Variants in KIRREL3 observed in about 807,000 individuals in gnomAD.
KIRREL3 encodes kirre like nephrin family adhesion molecule 3, also known as kin of IRRE-like protein 3.
A neutral mutation model predicts 89.7 loss-of-function variants in KIRREL3; 36 were observed. The observed-to-expected ratio is 0.40, with a 90% CI of 0.31 to 0.53. The LOEUF is 0.53. Among genes scored for constraint, KIRREL3 ranks in the 20% least tolerant of loss-of-function variants. KIRREL3 has a pLI of 0.49. For synonymous variants in KIRREL3, 445 were observed against 441.4 expected, an observed-to-expected ratio of 1.01 and a Z score of -0.10; for missense variants, 864 against 1,056.6, an observed-to-expected ratio of 0.82 and a Z score of 2.53.
At position 126,677,999 on chromosome 11, in the gene KIRREL3, A is replaced by G. The variant is rs1222075309; in HGVS notation, c.56-115087T>C. 1.3e-5 allele frequency among the ~76,000 whole-genome samples: 2 copies of G among 152,106 alleles called. No homozygotes were observed. Among genetic ancestry groups the G allele is most frequent in the African/African-American group, 4.8e-5 (2 of 41,416 alleles). On this transcript the variant is annotated intron_variant, in intron 1 of 16. Transcript: ENST00000525144. The surrounding 1 kb of genome is among the most constrained non-coding windows in gnomAD (Gnocchi z 5.1). ...GGCTCCAGCTTCATGGAGCTTCAGA[A>G]TCAGGCCCTGTTACACCCACTGCAG...
At chr11:126,674,799 G>A (rs1414404393) in intron 1 of KIRREL3, among the ~76,000 whole-genome samples, 1 of 152,158 alleles carries the variant, frequency 6.6e-6, no homozygotes, top group Non-Finnish European at 1.5e-5. Context: ...AATCTGATGT[G>A]CTTACCCTGC....
Position 126,462,988 on chromosome 11 carries a change from C to G in KIRREL3, c.742+169G>C, listed in dbSNP as rs1321510028. The stretch of plus-strand genomic sequence containing the variant: ...TCATCTGTGAGGTTGCATCTCATGA[C>G]AGTAAGGAAGACAAGATGGTCCTTC... On this transcript the variant is annotated intron_variant, in intron 6 of 16. Transcript: ENST00000525144. This position sits in a 1 kb window ranked among gnomAD's most constrained non-coding sequence, Gnocchi z 4.8. Among the ~76,000 whole-genome samples, 1 of 152,216 alleles carries G rather than the reference C, an allele frequency of 6.6e-6. No homozygotes were observed. Among genetic ancestry groups the G allele is most frequent in the Non-Finnish European group, 1.5e-5 (1 of 68,038 alleles).
At chr11:126,926,413 A>G (rs1439328881) in intron 1 of KIRREL3, among the ~76,000 whole-genome samples, 2 of 152,172 alleles carry the variant, frequency 1.3e-5, no homozygotes, top group Non-Finnish European at 1.5e-5. Context: ...TCCCTGTCAT[A>G]TGGTAATGAG....
At chr11:126,548,596 C>T (rs542445626) in intron 2 of KIRREL3, among the ~76,000 whole-genome samples, 1 of 152,378 alleles carries the variant, frequency 6.6e-6, no homozygotes, top group African/African-American at 2.4e-5. Context: ...TGCCTCCTTT[C>T]CCATGTCAAT....
chr11:126,743,875 T>C (rs775102091), intron 1 of KIRREL3, among the ~76,000 whole-genome samples: 31 of 152,212 alleles, frequency 2.0e-4, no homozygotes, highest in Non-Finnish European at 4.4e-4. Context: ...GTGTGTGGTA[T>C]GTATATGAGT....
rs189146831 is a variant in KIRREL3, at chr11:126,623,828, G to A, written c.56-60916C>T. 7.9e-5 allele frequency among the ~76,000 whole-genome samples: 12 copies of A among 152,286 alleles called. No homozygotes were observed. In the East Asian group the frequency reaches 2.1e-3, roughly 27 times the overall value. On this transcript the variant is annotated intron_variant, in intron 1 of 16. Transcript: ENST00000525144. The surrounding 1 kb of genome is among the most constrained non-coding windows in gnomAD (Gnocchi z 4.1). ...ACTTACAGAAAACCCCTTTCCCTGT[G>A]TTGAGGCCCTCTGTTGAACCTGGCA...
chr11:126,829,859 G>T (rs4992049), intron 1 of KIRREL3, among the ~76,000 whole-genome samples: 1 of 152,062 alleles, frequency 6.6e-6, no homozygotes, highest in African/African-American at 2.4e-5. Context: ...AAGTGCGACG[G>T]GAATGTAGAG....
rs898364724 is a variant in KIRREL3, at chr11:126,682,055, T to C, written c.56-119143A>G. ...ATTCATTTCCAGATTTAAAGTTCTA[T>C]GTTGTATTTTATTTGATGCAAAGCA... On this transcript the variant is annotated intron_variant, in intron 1 of 16. Coordinates refer to ENST00000525144, the MANE Select transcript of KIRREL3 (RefSeq NM_032531.4). The surrounding 1 kb of genome is among the most constrained non-coding windows in gnomAD (Gnocchi z 4.8). The C allele has an allele frequency of 2.8e-6, 1 of 351,314 alleles. No homozygotes were observed. The highest frequency in any genetic ancestry group is 5.6e-6 in the Non-Finnish European group (1 of 177,670). The allele number at this position is 351,314 out of a possible 1,614,324, so 21.8% of individuals were successfully genotyped here.
In KIRREL3 at chr11:126,742,799, A is replaced by T. The variant is rs1949023807; in HGVS notation, c.56-179887T>A. ...GCAGCTAGAACGTTATTGATCAACA[A>T]CTTTGCCACATCACTGGCACATTCG... On this transcript the variant is annotated intron_variant, in intron 1 of 16. Coordinates refer to ENST00000525144, the MANE Select transcript of KIRREL3 (RefSeq NM_032531.4). The surrounding 1 kb of genome is among the most constrained non-coding windows in gnomAD (Gnocchi z 5.3). 1.3e-5 allele frequency among the ~76,000 whole-genome samples: 2 copies of T among 152,258 alleles called. No individual in the cohort carries two copies. Among genetic ancestry groups the T allele is most frequent in the African/African-American group, 4.8e-5 (2 of 41,474 alleles).
rs192765052 is a variant in KIRREL3 at position 126,694,034 on chromosome 11, G to A, written c.56-131122C>T. Among the ~76,000 whole-genome samples the A allele has an allele frequency of 7.9e-5, 12 of 152,306 alleles. No homozygotes were observed. The highest frequency in any genetic ancestry group is 1.9e-4 in the African/African-American group (8 of 41,568). On this transcript the variant is annotated intron_variant, in intron 1 of 16. Coordinates refer to ENST00000525144, the MANE Select transcript of KIRREL3 (RefSeq NM_032531.4). The surrounding 1 kb of genome is among the most constrained non-coding windows in gnomAD (Gnocchi z 4.4). ...CCAGGCAGCCACAGGTTGAAGAGGC[G>A]GAGGGAAGCGGCACAGCTCACAGTC...
At chr11:126,450,888 T>C (rs1956062196) in intron 7 of KIRREL3, among the ~76,000 whole-genome samples, 2 of 146,790 alleles carry the variant, frequency 1.4e-5, no homozygotes, top group South Asian at 2.2e-4. Context: ...CATGTGTGCA[T>C]GTGCGTGTGT....
chr11:126,724,000 G>A lies in KIRREL3; in HGVS notation c.56-161088C>T, dbSNP rs1480124730. Among the ~76,000 whole-genome samples, 1 of 152,194 alleles carries A rather than the reference G, an allele frequency of 6.6e-6. No individual in the cohort carries two copies. ...AAGCTCCATGATGATTAAAAGAAGT[G>A]TAGGCAGCTCCAAGGCCACACATGA... On this transcript the variant is annotated intron_variant, in intron 1 of 16. Coordinates refer to ENST00000525144, the MANE Select transcript of KIRREL3 (RefSeq NM_032531.4). This position sits in a 1 kb window ranked among gnomAD's most constrained non-coding sequence, Gnocchi z 4.0.
In KIRREL3 at chr11:126,576,745, A is replaced by G. The variant is rs1941273560; in HGVS notation, c.56-13833T>C. 6.6e-6 allele frequency among the ~76,000 whole-genome samples: 1 copy of G among 152,188 alleles called. No individual in the cohort carries two copies. The highest frequency in any genetic ancestry group is 6.5e-5 in the Admixed American group (1 of 15,276). On this transcript the variant is annotated intron_variant, in intron 1 of 16. Coordinates refer to ENST00000525144, the MANE Select transcript of KIRREL3 (RefSeq NM_032531.4). The surrounding 1 kb of genome is among the most constrained non-coding windows in gnomAD (Gnocchi z 5.4). ...TTGCTTCCTTTCTTCTCAGGCACTT[A>G]GATTTTTGATGCACACTGAGAGGGT...
rs571954295 is a variant in KIRREL3 at position 126,623,916 on chromosome 11, C to A, written c.56-61004G>T. Among the ~76,000 whole-genome samples, 2 of 152,278 alleles carry A rather than the reference C, an allele frequency of 1.3e-5. No homozygotes were observed. Among genetic ancestry groups the A allele is most frequent in the African/African-American group, 4.8e-5 (2 of 41,546 alleles). ...GGGCTGGCAGGTACCTCTTTTTATTCATTGAGAAAGTAACGGTGAGCAGTT... is the reference window on the plus strand; with the variant it reads ...GGGCTGGCAGGTACCTCTTTTTATTAATTGAGAAAGTAACGGTGAGCAGTT... On this transcript the variant is annotated intron_variant, in intron 1 of 16. Coordinates refer to ENST00000525144, the MANE Select transcript of KIRREL3 (RefSeq NM_032531.4). The surrounding 1 kb of genome is among the most constrained non-coding windows in gnomAD (Gnocchi z 4.1).
In KIRREL3 at chr11:126,812,641, T is replaced by C. The variant is rs975035264; in HGVS notation, c.55+187814A>G. On this transcript the variant is annotated intron_variant, in intron 1 of 16. Coordinates refer to ENST00000525144, the MANE Select transcript of KIRREL3 (RefSeq NM_032531.4). This position sits in a 1 kb window ranked among gnomAD's most constrained non-coding sequence, Gnocchi z 5.2. Reference sequence around the variant, plus strand: ...GCAAGGCAATGGTTAGTAACTAGATTTTCTTAGTCCGCCCTGACTTTGGGC... The same window carrying C: ...GCAAGGCAATGGTTAGTAACTAGATCTTCTTAGTCCGCCCTGACTTTGGGC... Among the ~76,000 whole-genome samples, 1 of 152,106 alleles carries C rather than the reference T, an allele frequency of 6.6e-6. No individual in the cohort carries two copies. Among genetic ancestry groups the C allele is most frequent in the Non-Finnish European group, 1.5e-5 (1 of 68,010 alleles).
intron 11 of KIRREL3, among the ~76,000 whole-genome samples, chr11:126,438,552 T>A (rs1344254635): frequency 6.6e-6 from 1 of 152,156 alleles, no homozygotes; most frequent in East Asian, 1.9e-4. Context: ...CTGCCAAATG[T>A]CCCCTGGGGC....
At position 126,683,550 on chromosome 11, in the gene KIRREL3, C is replaced by G. The variant is rs920796263; in HGVS notation, c.56-120638G>C. On this transcript the variant is annotated intron_variant, in intron 1 of 16. Transcript: ENST00000525144. This position sits in a 1 kb window ranked among gnomAD's most constrained non-coding sequence, Gnocchi z 5.2. ...TGCAAAATGGGAAGAGTAAGGGCAC[C>G]CATCTTGGAGGAGATTTGGCACGTG... 6.6e-6 allele frequency among the ~76,000 whole-genome samples: 1 copy of G among 152,150 alleles called. No homozygotes were observed. The highest frequency in any genetic ancestry group is 6.5e-5 in the Admixed American group (1 of 15,282).
At chr11:126,426,364 G>C (rs536317665) in intron 15 of KIRREL3, among the ~76,000 whole-genome samples, 1 of 152,318 alleles carries the variant, frequency 6.6e-6, no homozygotes, top group South Asian at 2.1e-4. Context: ...CTTCCTGCTT[G>C]TCTCTGGGTC....
At position 126,578,420 on chromosome 11, in the gene KIRREL3, C is replaced by T. The variant is rs1941369685; in HGVS notation, c.56-15508G>A. On this transcript the variant is annotated intron_variant, in intron 1 of 16. Coordinates refer to ENST00000525144, the MANE Select transcript of KIRREL3 (RefSeq NM_032531.4). This position sits in a 1 kb window ranked among gnomAD's most constrained non-coding sequence, Gnocchi z 4.9. ...AGGAAAGAAAAGGGATGATCTTGGTCTTGGCGTGAACTTCCACATGAACGT... is the reference window on the plus strand; with the variant it reads ...AGGAAAGAAAAGGGATGATCTTGGTTTTGGCGTGAACTTCCACATGAACGT... Among the ~76,000 whole-genome samples, 1 of 152,230 alleles carries T rather than the reference C, an allele frequency of 6.6e-6. No individual in the cohort carries two copies.
Sources: allele counts gnomAD v4.1 joint callset (sites outside exome capture counted in the v4.1 genomes callset), GRCh38; gene constraint gnomAD v4.1.1; non-coding constraint Gnocchi (gnomAD v3.1); transcripts MANE v1.5; gene names NCBI Gene and HGNC (gene_info 2026-07-23, HGNC 2026-07-21).